DNAH8: variants seen among roughly 807,000 people sequenced by gnomAD.
The protein encoded by DNAH8 is axonemal beta dynein heavy chain 8.
Under a neutral mutation model 562.1 loss-of-function variants are expected in DNAH8, and 382 were observed. The ratio of observed to expected loss-of-function variants is 0.68; its 90% CI spans 0.63 to 0.74. The LOEUF is 0.74. Among genes scored for constraint, DNAH8 ranks in the 30% least tolerant of loss-of-function variants. DNAH8 has a pLI of 0.00. For synonymous variants in DNAH8, 1,881 were observed against 1,919.4 expected, an observed-to-expected ratio of 0.98 and a Z score of 0.52; for missense variants, 5,203 against 5,620.4, an observed-to-expected ratio of 0.93 and a Z score of 2.37.
intron 88 of DNAH8, among the ~76,000 whole-genome samples, chr6:38,994,544 T>G (rs1765005715): frequency 6.6e-6 from 1 of 151,970 alleles, no homozygotes; most frequent in South Asian, 2.1e-4. Context: ...GTTTTTACAT[T>G]TAGTTCTTTT....
In DNAH8 at chr6:38,873,293, A is replaced by G. The variant is rs1777613001; in HGVS notation, c.7537A>G (p.Lys2513Glu). The change falls in exon 52 of 93, where the codon AAA becomes GAA. Residue 2513 changes from lysine (K) to glutamate (E), a missense_variant. Coordinates refer to ENST00000327475, the MANE Select transcript of DNAH8 (RefSeq NM_001206927.2). ...EAAVFLTLYE[K>E]VFEDTYTYMK... ...TGCTGTATTCCTGACACTGTATGAG[A>G]AAGTCTTTGAAGATACATACACATA... The G allele has an allele frequency of 3.1e-6, 5 of 1,613,688 alleles. No individual in the cohort carries two copies. Among genetic ancestry groups the G allele is most frequent in the Non-Finnish European group, 4.2e-6 (5 of 1,179,902 alleles).
Position 38,973,804 on chromosome 6 carries a change from A to T in DNAH8, c.12669A>T (p.Thr4223=). The change falls in exon 84 of 93, where the codon ACA becomes ACT. Residue 4223 remains threonine, a synonymous_variant. Coordinates refer to ENST00000327475, the MANE Select transcript of DNAH8 (RefSeq NM_001206927.2). The part of the protein sequence containing the change: ...TTEPHDRFPI[T]LLQTSLKFTN... ...AGCCCCATGATCGATTTCCAATTAC[A>T]TTGCTTCAGGTTTGTTACTAAACGT... The T allele has an allele frequency of 6.2e-7, 1 of 1,601,324 alleles. No homozygotes were observed. Among genetic ancestry groups the T allele is most frequent in the Non-Finnish European group, 8.5e-7 (1 of 1,176,226 alleles).
At chr6:38,789,937 C>T (rs563766537) in intron 19 of DNAH8, 54 bp downstream of exon 19, 51 of 1,383,556 alleles carry the variant, frequency 3.7e-5, no homozygotes, top group South Asian at 3.1e-4. Flanking sequence ...AATTAGATTT[C>T]GGTTCTATAA....
At chr6:38,844,785 A>G (rs1202805185) in intron 35 of DNAH8, among the ~76,000 whole-genome samples, 1 of 152,178 alleles carries the variant, frequency 6.6e-6, no homozygotes, top group Non-Finnish European at 1.5e-5. Context: ...GCTTCCCTTC[A>G]GTACAGAATT....
At chr6:38,838,933 G>A (rs1583150449) in intron 33 of DNAH8, among the ~76,000 whole-genome samples, 1 of 152,186 alleles carries the variant, frequency 6.6e-6, no homozygotes, top group Non-Finnish European at 1.5e-5. Flanking sequence ...TAGAAAATAA[G>A]TTTATGTTGA....
chr6:38,989,031 G>A (rs1347105556), intron 87 of DNAH8, among the ~76,000 whole-genome samples: 5 of 152,220 alleles, frequency 3.3e-5, no homozygotes, highest in African/African-American at 1.2e-4. Flanking sequence ...AACTCAGCCT[G>A]CTCATGCATA....
chr6:38,752,114 T>G (rs796897578), intron 9 of DNAH8, among the ~76,000 whole-genome samples: 3 of 151,358 alleles, frequency 2.0e-5, no homozygotes, highest in African/African-American at 7.4e-5. Flanking sequence ...TTTACTATGT[T>G]GCTTCTTCAA....
At position 39,021,025 on chromosome 6, in the gene DNAH8, T is replaced by C. The variant is rs147213734; in HGVS notation, c.13715-5521T>C. Among the ~76,000 whole-genome samples, 137 of 152,344 alleles carry C rather than the reference T, an allele frequency of 9.0e-4. 1 individual carries two copies. The East Asian group carries it at 0.024, about 27-fold the overall frequency. On this transcript the variant is annotated intron_variant, in intron 91 of 92. Coordinates refer to ENST00000327475, the MANE Select transcript of DNAH8 (RefSeq NM_001206927.2). ...GCAGAATGATTTGTATTTTTTTGGG[T>C]ATATACCTAGTAATGGGATTGCTGG...
intron 26 of DNAH8, among the ~76,000 whole-genome samples, chr6:38,821,596 C>G (rs1255889313): frequency 2.0e-5 from 3 of 152,240 alleles, no homozygotes; most frequent in Non-Finnish European, 4.4e-5. Context: ...TGGGGTCCCA[C>G]TCTGTTGCCC....
At chr6:38,813,531 G>A (rs1246574534) in intron 24 of DNAH8, among the ~76,000 whole-genome samples, 1 of 152,126 alleles carries the variant, frequency 6.6e-6, no homozygotes, top group East Asian at 1.9e-4. Flanking sequence ...GATAGGGGTG[G>A]AGGTTAAGAC....
intron 22 of DNAH8, among the ~76,000 whole-genome samples, chr6:38,804,119 A>C (rs1771036870): frequency 6.6e-6 from 1 of 152,136 alleles, no homozygotes; most frequent in Non-Finnish European, 1.5e-5. Context: ...ACCCTATTGA[A>C]TTTCCTGTTA....
At chr6:38,760,502 G>C (rs1766385426) in intron 10 of DNAH8, among the ~76,000 whole-genome samples, 1 of 150,120 alleles carries the variant, frequency 6.7e-6, no homozygotes. Flanking sequence ...TTGCTGAGTT[G>C]TCTCAATCCA....
At chr6:38,774,602 A>G (rs544580340) in intron 12 of DNAH8, among the ~76,000 whole-genome samples, 2 of 152,328 alleles carry the variant, frequency 1.3e-5, no homozygotes, top group South Asian at 2.1e-4. Context: ...CATCCAACCA[A>G]TCAACAAAAT....
At chr6:38,759,208 T>C (rs1269311263) in intron 10 of DNAH8, among the ~76,000 whole-genome samples, 7 of 152,006 alleles carry the variant, frequency 4.6e-5, no homozygotes, top group African/African-American at 1.7e-4. Context: ...TTCCAGAGGC[T>C]GAGGCAGGAG....
chr6:38,715,947 TATATATATA>T (rs1562520931), intron 1 of DNAH8, among the ~76,000 whole-genome samples: 387 of 23,012 alleles, frequency 0.017, 14 homozygotes, highest in Non-Finnish European at 0.027. Flanking sequence ...TATATATATA[TATATATATA>T]TATATTTTTT....
At chr6:38,867,418 A>G (rs542669677) in intron 47 of DNAH8, among the ~76,000 whole-genome samples, 1 of 152,208 alleles carries the variant, frequency 6.6e-6, no homozygotes, top group East Asian at 1.9e-4. Context: ...ACGGAATCAC[A>G]TAGTATGTAA....
rs1453923548 is a variant in DNAH8 at position 38,899,824 on chromosome 6, G to A, written c.9112G>A (p.Val3038Ile). The change falls in exon 62 of 93, where the codon GTT becomes ATT. Residue 3038 changes from valine (V) to isoleucine (I), a missense_variant. By Grantham distance (29) the Val-to-Ile change is conservative. Coordinates refer to ENST00000327475, the MANE Select transcript of DNAH8 (RefSeq NM_001206927.2). Reference protein sequence around the residue: ...TSCGNALLVGVGGSGKQSLSR... With the variant: ...TSCGNALLVGIGGSGKQSLSR... Reference sequence around the variant, plus strand: ...GTGTGGAAATGCATTGCTGGTGGGTGTTGGTGGTTCCGGAAAACAAAGTCT... The same window carrying A: ...GTGTGGAAATGCATTGCTGGTGGGTATTGGTGGTTCCGGAAAACAAAGTCT... The A allele has an allele frequency of 1.2e-6, 2 of 1,613,186 alleles. No homozygotes were observed. The highest frequency in any genetic ancestry group is 1.7e-6 in the Non-Finnish European group (2 of 1,179,636).
At chr6:38,947,084 T>A (rs9357292) in intron 80 of DNAH8, among the ~76,000 whole-genome samples, 58,172 of 152,062 alleles carry the variant, frequency 0.38, 12,786 homozygotes, top group East Asian at 0.68. Flanking sequence ...AATTTATAGA[T>A]GAGATAACAG....
chr6:38,954,099 T>A (rs1330838362), intron 82 of DNAH8, among the ~76,000 whole-genome samples: 2 of 152,204 alleles, frequency 1.3e-5, no homozygotes, highest in African/African-American at 4.8e-5. Flanking sequence ...ATAGATATTG[T>A]CTTGTACTGG....
Sources: allele counts gnomAD v4.1 joint callset (sites outside exome capture counted in the v4.1 genomes callset), GRCh38; gene constraint gnomAD v4.1.1; transcripts MANE v1.5; gene names NCBI Gene and HGNC (gene_info 2026-07-23, HGNC 2026-07-21).